The following SLC9A1 variants were observed in gnomAD, a reference collection of about 807,000 sequenced individuals.
The protein encoded by SLC9A1 is solute carrier family 9 member A1, also known as sodium/hydrogen exchanger 1.
In SLC9A1, 22 loss-of-function variants were observed where a neutral mutation model predicts 67.9. That is an observed-to-expected ratio of 0.32 (90% CI 0.23 to 0.46). The LOEUF is 0.46. SLC9A1 is among the 20% of genes least tolerant of loss of function. The pLI is 1.00. For synonymous variants in SLC9A1, 421 were observed against 471.8 expected (o/e 0.89, Z 1.40); for missense variants, 686 against 1,094.8 (o/e 0.63, Z 5.27).
chr1:27,107,917 G>A (rs748144527), intron 3 of SLC9A1, 52 bp from the exon 4 acceptor site: 8 of 1,377,194 alleles, frequency 5.8e-6, no homozygotes, highest in East Asian at 4.9e-5. Context: ...GCACCTGCTC[G>A]AGCCCCTCCA....
At chr1:27,105,206 G>T (rs1418293040) in intron 5 of SLC9A1, among the ~76,000 whole-genome samples, 2 of 152,166 alleles carry the variant, frequency 1.3e-5, no homozygotes, top group African/African-American at 4.8e-5. Flanking sequence ...TGCAGAAACT[G>T]AGACCCTAAG....
At chr1:27,127,762 T>C (rs2083355249) in intron 1 of SLC9A1, among the ~76,000 whole-genome samples, 2 of 152,222 alleles carry the variant, frequency 1.3e-5, no homozygotes, top group African/African-American at 4.8e-5. Flanking sequence ...CAGCTGGCAC[T>C]GCCTCCTGCA....
At chr1:27,113,270 G>A (rs1352665325) in intron 2 of SLC9A1, among the ~76,000 whole-genome samples, 1 of 152,108 alleles carries the variant, frequency 6.6e-6, no homozygotes, top group Non-Finnish European at 1.5e-5. Flanking sequence ...ACCAGCCTGG[G>A]CAACATGGTC....
chr1:27,138,988 A>C lies in SLC9A1; in HGVS notation c.352+14995T>G, dbSNP rs146584902. Among the ~76,000 whole-genome samples, 136 of 152,162 alleles carry C rather than the reference A, an allele frequency of 8.9e-4. 1 individual carries two copies. In the East Asian group the frequency reaches 0.025, roughly 28 times the overall value. On this transcript the variant is annotated intron_variant, in intron 1 of 11. Coordinates refer to ENST00000263980, the MANE Select transcript of SLC9A1 (RefSeq NM_003047.5). ...GAATCACCCGGGTTGGAGAAGATGGAGTGAAGAGGCAAGCCTTTGACAGGT... is the reference window on the plus strand; with the variant it reads ...GAATCACCCGGGTTGGAGAAGATGGCGTGAAGAGGCAAGCCTTTGACAGGT...
rs558429169 is a variant in SLC9A1, at chr1:27,118,560, G to A, written c.353-4274C>T. 2.6e-5 allele frequency among the ~76,000 whole-genome samples: 4 copies of A among 152,278 alleles called. No homozygotes were observed. The highest frequency in any genetic ancestry group is 7.2e-5 in the African/African-American group (3 of 41,560). ...GAAAGGGGCACAGAAGGATGGCTGC[G>A]GCCCCTGGTACCCTGACAAAAGCCC... On this transcript the variant is annotated intron_variant, in intron 1 of 11. Coordinates refer to ENST00000263980, the MANE Select transcript of SLC9A1 (RefSeq NM_003047.5). This position sits in a 1 kb window ranked among gnomAD's most constrained non-coding sequence, Gnocchi z 4.3.
chr1:27,103,385 C>T, intron 5 of SLC9A1, 73 bp from the exon 6 acceptor site: 1 of 1,042,278 alleles, frequency 9.6e-7, no homozygotes, highest in Non-Finnish European at 1.5e-6. Flanking sequence ...CTCCCTCCCT[C>T]ACCCCAGGCC....
At position 27,100,626 on chromosome 1, in the gene SLC9A1, G is replaced by A. The variant is rs142887458; in HGVS notation, c.2129C>T (p.Pro710Leu). The A allele has an allele frequency of 1.1e-5, 17 of 1,608,938 alleles. No homozygotes were observed. Among genetic ancestry groups the A allele is most frequent in the Admixed American group, 6.7e-5 (4 of 59,776 alleles). ...GGTGATGACAGGCAGGTCCTCCTTC[G>A]GCTCATAGGCCAGTGGGTCTGGGGA... ...RIGSDPLAYE[P>L]KEDLPVITID... Residue 710 changes from proline to leucine, a missense_variant, in exon 12 of 12, where the codon CCG (proline) becomes CTG (leucine). Pro to Leu is a moderately conservative substitution (Grantham distance 98). Transcript: ENST00000263980. This position sits in a 1 kb window ranked among gnomAD's most constrained non-coding sequence, Gnocchi z 5.6.
intron 1 of SLC9A1, among the ~76,000 whole-genome samples, chr1:27,117,062 CCA>C (rs1378542793): frequency 6.6e-6 from 1 of 152,006 alleles, no homozygotes; most frequent in Admixed American, 6.6e-5. Flanking sequence ...AACCTTCAAT[CCA>C]CAGTCATCTC....
chr1:27,150,437 C>T (rs969335824), intron 1 of SLC9A1, among the ~76,000 whole-genome samples: 1 of 152,152 alleles, frequency 6.6e-6, no homozygotes, highest in Non-Finnish European at 1.5e-5. Flanking sequence ...CAGTGGTGAG[C>T]TGAGTTACAG....
chr1:27,136,211 C>T (rs2083419701), intron 1 of SLC9A1, among the ~76,000 whole-genome samples: 1 of 152,234 alleles, frequency 6.6e-6, no homozygotes. Context: ...AAGCCTGGCT[C>T]TCCAGAAGCC....
intron 1 of SLC9A1, among the ~76,000 whole-genome samples, chr1:27,116,221 G>A (rs138104022): frequency 6.6e-6 from 1 of 152,116 alleles, no homozygotes; most frequent in Admixed American, 6.5e-5. Flanking sequence ...TTGGCCAGGC[G>A]TGGTGGTGGG....
At chr1:27,125,237 CTTTTTTTTTTTTTTTT>C (rs71010327) in intron 1 of SLC9A1, among the ~76,000 whole-genome samples, 2 of 86,870 alleles carry the variant, frequency 2.3e-5, no homozygotes, top group Admixed American at 1.9e-4. Context: ...CCTTTTCTTT[CTTTTTTTTTTTTTTTT>C]TTTTTTTTTT....
intron 5 of SLC9A1, 172 bp downstream of exon 5, chr1:27,105,713 T>C (rs74650982): frequency 3.7e-4 from 264 of 720,640 alleles, no homozygotes; most frequent in African/African-American, 3.0e-3. Context: ...CACTTTACGA[T>C]TGAAGAAACT....
chr1:27,144,374 C>A (rs1049408182), intron 1 of SLC9A1, among the ~76,000 whole-genome samples: 1 of 152,176 alleles, frequency 6.6e-6, no homozygotes, highest in African/African-American at 2.4e-5. Context: ...CCCAGAGAGA[C>A]CCCACCCGGC....
At chr1:27,128,729 G>A (rs1294622466) in intron 1 of SLC9A1, among the ~76,000 whole-genome samples, 4 of 151,786 alleles carry the variant, frequency 2.6e-5, no homozygotes, top group East Asian at 3.9e-4. Context: ...ACGCCAAGGC[G>A]GGCGGATCAC....
At chr1:27,124,837 G>A (rs2083330409) in intron 1 of SLC9A1, among the ~76,000 whole-genome samples, 1 of 152,124 alleles carries the variant, frequency 6.6e-6, no homozygotes, top group Admixed American at 6.5e-5. Flanking sequence ...ACTCTCAGGG[G>A]ACAGAGCCTG....
intron 1 of SLC9A1, among the ~76,000 whole-genome samples, chr1:27,121,645 C>CAACCCTGGCACTGGGTTACA (rs2083305504): frequency 6.6e-6 from 1 of 152,178 alleles, no homozygotes; most frequent in Non-Finnish European, 1.5e-5. Context: ...ACAGCCTCAG[C>CAACCCTGGCACTGGGTTACA]AACCCTGGCA....
In SLC9A1 at chr1:27,107,598, AC is replaced by A. The variant is rs558210752; in HGVS notation, c.1282+49del. 2.2e-4 allele frequency: 264 copies of A among 1,192,158 alleles called. No individual in the cohort carries two copies. The African/African-American group carries it at 3.8e-3, about 17-fold the overall frequency. The allele number at this position is 1,192,158 out of a possible 1,614,324, so 73.8% of individuals were successfully genotyped here. A position where few individuals can be genotyped will look rare whatever the true frequency, so the allele number is the denominator to read the frequency against. On this transcript the variant is annotated intron_variant, in intron 4 of 11. Transcript: ENST00000263980. ...ACAGCACCACAGCCCACCACCCCCC[AC>A]ACACACCCCACACCACAACCCCCAC...
intron 1 of SLC9A1, among the ~76,000 whole-genome samples, chr1:27,133,937 G>C (rs2083402791): frequency 6.6e-6 from 1 of 151,902 alleles, no homozygotes; most frequent in Admixed American, 6.6e-5. Flanking sequence ...GCTAATTTTT[G>C]TATTTTTAGT....
Sources: gnomAD v4.1 joint callset for allele counts (sites outside exome capture counted in the v4.1 genomes callset) on GRCh38, gnomAD v4.1.1 for gene constraint, Gnocchi (gnomAD v3.1) non-coding constraint, MANE v1.5 for transcripts, NCBI Gene and HGNC (gene_info 2026-07-23, HGNC 2026-07-21) for gene names.